CDKL4: variants seen among roughly 807,000 people sequenced by gnomAD.
The protein encoded by CDKL4 is cyclin-dependent kinase-like 4.
Under a neutral mutation model 42.0 loss-of-function variants are expected in CDKL4, and 44 were observed. That is an observed-to-expected ratio of 1.05 (90% CI 0.82 to 1.35). The LOEUF is 1.35. CDKL4 is among the 40% of genes most tolerant of loss of function. The pLI, the probability that CDKL4 is intolerant of heterozygous loss-of-function variation, is 0.00. For missense variants in CDKL4, 393 were observed against 369.9 expected, an observed-to-expected ratio of 1.06 and a Z score of -0.51; for synonymous variants, 120 against 121.6, an observed-to-expected ratio of 0.99 and a Z score of 0.09.
At chr2:39,235,971 A>G (rs1185329261) in intron 1 of CDKL4, among the ~76,000 whole-genome samples, 2 of 152,152 alleles carry the variant, frequency 1.3e-5, no homozygotes, top group African/African-American at 4.8e-5. Flanking sequence ...ATGGATTCTG[A>G]GTAGACTCAG....
chr2:39,169,185 G>T, the CDKL4 span, among the ~76,000 whole-genome samples: 1 of 152,130 alleles, frequency 6.6e-6, no homozygotes, highest in Admixed American at 6.6e-5. Flanking sequence ...TTGATGATAT[G>T]CATCATATCC....
chr2:39,233,044 C>CAAAAAAAAAAAA (rs72150084), intron 1 of CDKL4, among the ~76,000 whole-genome samples: 4 of 66,128 alleles, frequency 6.0e-5, no homozygotes, highest in Non-Finnish European at 8.0e-5. Context: ...GACTCCATCT[C>CAAAAAAAAAAAA]AAAAAAAAAA....
At chr2:39,246,305 G>T (rs555891368), upstream of CDKL4, among the ~76,000 whole-genome samples, 3 of 152,068 alleles carry the variant, frequency 2.0e-5, no homozygotes, top group Admixed American at 6.6e-5. Context: ...TTCCACTAAA[G>T]TCAAATACTC....
chr2:39,244,405 G>A (rs1679818759), upstream of CDKL4, among the ~76,000 whole-genome samples: 2 of 152,254 alleles, frequency 1.3e-5, no homozygotes, highest in Admixed American at 1.3e-4. Context: ...GGCAATGAGG[G>A]ACTTAGCACC....
At chr2:39,181,778 A>G (rs1405068810) in intron 8 of CDKL4, among the ~76,000 whole-genome samples, 1 of 152,150 alleles carries the variant, frequency 6.6e-6, no homozygotes, top group Non-Finnish European at 1.5e-5. Context: ...AAGTGAAAGA[A>G]TGCCTGGGGC....
chr2:39,231,870 T>C (rs1293216491), intron 1 of CDKL4, among the ~76,000 whole-genome samples: 4 of 152,154 alleles, frequency 2.6e-5, no homozygotes, highest in Admixed American at 1.3e-4. Context: ...TGAACTATGA[T>C]TGTACCACTG....
intron 4 of CDKL4, among the ~76,000 whole-genome samples, chr2:39,210,259 G>A (rs916850238): frequency 6.6e-6 from 1 of 152,154 alleles, no homozygotes; most frequent in African/African-American, 2.4e-5. Context: ...CCAAAGTCCT[G>A]GGATTACAGG....
chr2:39,233,882 AT>A (rs1679218629), intron 1 of CDKL4, among the ~76,000 whole-genome samples: 1 of 6,384 alleles, frequency 1.6e-4, no homozygotes, highest in Non-Finnish European at 1.6e-3. Flanking sequence ...TTAAGAAGAT[AT>A]ATATATATAT....
chr2:39,243,524 C>G (rs371561987), intron 1 of CDKL4, among the ~76,000 whole-genome samples: 1 of 152,236 alleles, frequency 6.6e-6, no homozygotes, highest in African/African-American at 2.4e-5. Flanking sequence ...AAGCACAAAT[C>G]CACTTTATTT....
chr2:39,180,985 C>T (rs1675409866), intron 8 of CDKL4, among the ~76,000 whole-genome samples: 1 of 152,218 alleles, frequency 6.6e-6, no homozygotes, highest in East Asian at 1.9e-4. Context: ...CTGCACCTGG[C>T]CAGAAATACT....
Position 39,223,612 on chromosome 2 carries a change from CAA to C in CDKL4, c.290+2225_290+2226del, listed in dbSNP as rs796918055. ...TTTTTTTTTTGAAGACTTCTGTCTT[CAA>C]AAAAAAAAAAAAAAGAGAGATGGGG... On this transcript the variant is annotated intron_variant, in intron 3 of 9. Transcript: ENST00000451199. Among the ~76,000 whole-genome samples the C allele has an allele frequency of 8.3e-3, 413 of 49,792 alleles. 4 individuals are homozygous for C. The highest frequency in any genetic ancestry group is 0.029 in the African/African-American group (383 of 13,272). The allele number at this position is 49,792 out of a possible 152,430, so 32.7% of individuals were successfully genotyped here.
At chr2:39,188,044 G>C (rs1267518268) in intron 6 of CDKL4, among the ~76,000 whole-genome samples, 1 of 151,966 alleles carries the variant, frequency 6.6e-6, no homozygotes, top group Non-Finnish European at 1.5e-5. Flanking sequence ...CTCCAGCCTG[G>C]GCGACAGAGC....
In CDKL4 at chr2:39,192,900, C is replaced by T. The variant is rs1056120974; in HGVS notation, c.455-2398G>A. 7.9e-5 allele frequency among the ~76,000 whole-genome samples: 12 copies of T among 151,616 alleles called. No homozygotes were observed. In the East Asian group the frequency reaches 9.7e-4, roughly 12 times the overall value. On this transcript the variant is annotated intron_variant, in intron 5 of 9. Coordinates refer to ENST00000451199, the Ensembl canonical transcript of CDKL4. ...CAGCACTTTGGGAGGCAAAGGCAGG[C>T]GGATCGTGTGAGCCCAGGAGTTTGA...
intron 5 of CDKL4, among the ~76,000 whole-genome samples, chr2:39,191,267 C>T (rs1343635504): frequency 1.3e-5 from 2 of 152,126 alleles, no homozygotes; most frequent in Non-Finnish European, 2.9e-5. Context: ...GGCATGGTGG[C>T]ACATGCTTGT....
chr2:39,171,999 A>G (rs1675012033), downstream of CDKL4, among the ~76,000 whole-genome samples: 1 of 152,194 alleles, frequency 6.6e-6, no homozygotes, highest in African/African-American at 2.4e-5. Context: ...GGACAAGACT[A>G]TTTGCTAAAG....
In CDKL4 at chr2:39,184,588, T is replaced by G. The variant is rs1419172308; in HGVS notation, c.792+3A>C. On this transcript the variant is annotated splice_donor_region_variant and intron_variant, in intron 8 of 9. Coordinates refer to ENST00000451199, the Ensembl canonical transcript of CDKL4. ...ATAAGAGTTATAATTGATTCTTAAG[T>G]ACCTTCATGAAGTTCAGAGCCACAG... The G allele has an allele frequency of 6.2e-7, 1 of 1,605,194 alleles. No individual in the cohort carries two copies. Among genetic ancestry groups the G allele is most frequent in the South Asian group, 1.1e-5 (1 of 90,718 alleles).
chr2:39,182,439 T>C (rs1300518354), intron 8 of CDKL4, among the ~76,000 whole-genome samples: 4 of 152,216 alleles, frequency 2.6e-5, no homozygotes, highest in Non-Finnish European at 4.4e-5. Flanking sequence ...GCTGGAACAA[T>C]GTCCTGCTTA....
intron 3 of CDKL4, among the ~76,000 whole-genome samples, chr2:39,219,658 CA>C (rs1678183473): frequency 6.6e-6 from 1 of 152,020 alleles, no homozygotes; most frequent in African/African-American, 2.4e-5. Context: ...TGACCTCAAG[CA>C]ATCTGCCTGC....
downstream of CDKL4, among the ~76,000 whole-genome samples, chr2:39,172,248 G>A (rs1229591183): frequency 6.6e-6 from 1 of 151,590 alleles, no homozygotes; most frequent in East Asian, 1.9e-4. Flanking sequence ...GGAGGCAGAG[G>A]TTGCAGTGAG....
Sources: gnomAD v4.1 joint callset for allele counts (sites outside exome capture counted in the v4.1 genomes callset) on GRCh38, gnomAD v4.1.1 for gene constraint, MANE v1.5 for transcripts, NCBI Gene and HGNC (gene_info 2026-07-23, HGNC 2026-07-21) for gene names.